Variants in NAPA observed in about 807,000 individuals in gnomAD.
NAPA encodes NSF attachment protein alpha, also known as alpha-soluble NSF attachment protein.
Under a neutral mutation model 48.0 loss-of-function variants are expected in NAPA, and 18 were observed. The ratio of observed to expected loss-of-function variants is 0.38; its 90% confidence interval spans 0.26 to 0.56. The LOEUF (loss-of-function observed/expected upper bound fraction) is 0.56, where lower values mean the gene tolerates loss of function less well. Among genes scored for constraint, NAPA ranks in the 20% least tolerant of loss-of-function variants. NAPA has a pLI of 0.77. For synonymous variants in NAPA, 152 were observed against 149.9 expected (o/e 1.01, Z -0.10); for missense variants, 315 against 385.0 (o/e 0.82, Z 1.52).
intron 1 of NAPA, among the ~76,000 whole-genome samples, chr19:47,504,164 T>A (rs752836036): frequency 6.6e-6 from 1 of 151,274 alleles, no homozygotes; most frequent in Non-Finnish European, 1.5e-5. Flanking sequence ...GAGGCCAAGG[T>A]TGGCGGATTG....
chr19:47,486,504 T>A (rs138154914), downstream of NAPA, among the ~76,000 whole-genome samples: 742 of 152,306 alleles, frequency 4.9e-3, 2 homozygotes, highest in Non-Finnish European at 7.0e-3. Flanking sequence ...TTTTGCCATG[T>A]TGGCTAGGCT....
intron 3 of NAPA, 109 bp from the exon 4 acceptor site, chr19:47,495,705 A>G (rs2122741624): frequency 1.0e-6 from 1 of 1,004,096 alleles, no homozygotes; most frequent in Non-Finnish European, 1.6e-6. Context: ...AGAGAGATCA[A>G]TAGGCGCTCA....
downstream of NAPA, among the ~76,000 whole-genome samples, chr19:47,486,666 T>C (rs1256899970): frequency 1.3e-5 from 2 of 152,190 alleles, no homozygotes; most frequent in African/African-American, 2.4e-5. Flanking sequence ...ATTTAGGTCA[T>C]GGATGACAGA....
At chr19:47,504,352 A>C (rs1476116175) in intron 1 of NAPA, among the ~76,000 whole-genome samples, 1 of 146,122 alleles carries the variant, frequency 6.8e-6, no homozygotes, top group Admixed American at 7.2e-5. Flanking sequence ...CCAAGATCAC[A>C]CCATTGAACT....
intron 1 of NAPA, among the ~76,000 whole-genome samples, chr19:47,514,610 G>A (rs1022870641): frequency 1.3e-5 from 2 of 152,112 alleles, no homozygotes; most frequent in Non-Finnish European, 2.9e-5. Flanking sequence ...TGTGTCCTCA[G>A]CCCAAATCCC....
Position 47,493,537 on chromosome 19 carries a change from C to T in NAPA, c.343-44G>A. On this transcript the variant is annotated intron_variant, in intron 4 of 10. Transcript: ENST00000263354. This position sits in a 1 kb window ranked among gnomAD's most constrained non-coding sequence, Gnocchi z 6.4. ...GGGGCTGCCTGCGACTCATGACCTC[C>T]TGCGTGCCTGCCTGCTGACCTATGA... 1 of 1,564,084 alleles carries T rather than the reference C, an allele frequency of 6.4e-7. No homozygotes were observed.
At chr19:47,492,565 A>G (rs1035102461) in intron 7 of NAPA, 1 of 404,260 alleles carries the variant, frequency 2.5e-6, no homozygotes, top group South Asian at 2.1e-5. Flanking sequence ...GGGGGACCCC[A>G]TGTGACACTC....
intron 1 of NAPA, among the ~76,000 whole-genome samples, chr19:47,514,181 ACTG>A: frequency 6.6e-6 from 1 of 151,580 alleles, no homozygotes; most frequent in South Asian, 2.1e-4. Context: ...TAAACTAGTC[ACTG>A]CTAACCAGGG....
chr19:47,514,251 C>T (rs1472410393), intron 1 of NAPA, among the ~76,000 whole-genome samples: 1 of 152,088 alleles, frequency 6.6e-6, no homozygotes, highest in Non-Finnish European at 1.5e-5. Context: ...CTCCTAGGAT[C>T]ATCTAGCCCT....
chr19:47,501,497 T>C (rs1373050022), intron 2 of NAPA: 1 of 152,204 alleles, frequency 6.6e-6, no homozygotes, highest in Non-Finnish European at 1.5e-5. Context: ...GTGAGGCTCA[T>C]GGAGTTGGGG....
rs145393974 is a variant in NAPA at position 47,502,877 on chromosome 19, T to A, written c.178+546A>T. ...CAGTCAGAGCCTTGGTTTCTGAATC[T>A]TGGTTCTGTCACTTACTAGTTCTGG... On this transcript the variant is annotated intron_variant, in intron 2 of 10. Coordinates refer to ENST00000263354, the MANE Select transcript of NAPA (RefSeq NM_003827.4). Among the ~76,000 whole-genome samples, 112 of 152,352 alleles carry A rather than the reference T, an allele frequency of 7.4e-4. 2 individuals carry two copies. The East Asian group carries it at 0.016, about 21-fold the overall frequency.
chr19:47,492,842 G>A, intron 7 of NAPA, 119 bp downstream of exon 7: 1 of 925,812 alleles, frequency 1.1e-6, no homozygotes, highest in Non-Finnish European at 1.8e-6. Context: ...GGATGTCGGG[G>A]GAGAGGCAGA....
intron 1 of NAPA, among the ~76,000 whole-genome samples, chr19:47,512,986 C>T (rs998486821): frequency 6.6e-6 from 1 of 152,148 alleles, no homozygotes; most frequent in African/African-American, 2.4e-5. Flanking sequence ...CCACCACCGT[C>T]CCCAGGCTCT....
downstream of NAPA, among the ~76,000 whole-genome samples, chr19:47,485,920 G>A (rs141027385): frequency 1.3e-3 from 204 of 152,300 alleles, 2 homozygotes; most frequent in African/African-American, 3.7e-3. Context: ...TCCTTCAGGC[G>A]TCTTCCCGCC....
intron 4 of NAPA, chr19:47,495,326 A>C (rs1406510820): frequency 8.4e-6 from 5 of 594,440 alleles, no homozygotes; most frequent in African/African-American, 1.9e-5. Context: ...GAAAACCATG[A>C]CTGCCTGTGG....
At chr19:47,502,149 G>C (rs931033376) in intron 2 of NAPA, among the ~76,000 whole-genome samples, 1 of 142,678 alleles carries the variant, frequency 7.0e-6, no homozygotes, top group Admixed American at 7.8e-5. Flanking sequence ...GCTGAGGCAG[G>C]AGAATCACTT....
intron 2 of NAPA, chr19:47,501,746 T>A (rs1272612985): frequency 1.3e-5 from 2 of 152,248 alleles, no homozygotes; most frequent in Non-Finnish European, 2.9e-5. Context: ...TCTCTCCTCC[T>A]CCTCGTGCAG....
In NAPA at chr19:47,489,818, G is replaced by A; in HGVS notation, c.736-57C>T. ...CCTATGCTGACCTGAGGTCTGGCCTGGATTAGATGAAAGGACACGCTATCT... is the reference window on the plus strand; with the variant it reads ...CCTATGCTGACCTGAGGTCTGGCCTAGATTAGATGAAAGGACACGCTATCT... On this transcript the variant is annotated intron_variant, in intron 9 of 10. Coordinates refer to ENST00000263354, the MANE Select transcript of NAPA (RefSeq NM_003827.4). The A allele has an allele frequency of 1.9e-6, 3 of 1,588,594 alleles. No homozygotes were observed. The East Asian group carries it at 6.7e-5, about 36-fold the overall frequency.
intron 10 of NAPA, chr19:47,488,916 C>CAA (rs71334209): frequency 2.9e-4 from 28 of 95,266 alleles, no homozygotes; most frequent in East Asian, 5.6e-4. Flanking sequence ...GACTCCGTCT[C>CAA]AAAAAAAAAA....
Sources: allele counts gnomAD v4.1 joint callset (sites outside exome capture counted in the v4.1 genomes callset), GRCh38; gene constraint gnomAD v4.1.1; non-coding constraint Gnocchi (gnomAD v3.1); transcripts MANE v1.5; gene names NCBI Gene and HGNC (gene_info 2026-07-23, HGNC 2026-07-21).